SCEL: variants seen among roughly 807,000 people sequenced by gnomAD.
SCEL encodes sciellin.
SCEL carries 113 observed loss-of-function variants against 117.6 expected under a neutral mutation model. The observed-to-expected ratio is 0.96, with a 90% CI of 0.83 to 1.12. SCEL has a LOEUF of 1.12. SCEL is among the 50% of genes most tolerant of loss of function. The pLI is 0.00. For synonymous variants in SCEL, 270 were observed against 256.2 expected (o/e 1.05, Z -0.51); for missense variants, 785 against 810.8 (o/e 0.97, Z 0.39).
chr13:77,618,104 G>GAGAAGTTCCTACCC, intron 27 of SCEL, 44 bp downstream of exon 27: 4 of 1,489,776 alleles, frequency 2.7e-6, no homozygotes, highest in Non-Finnish European at 2.8e-6. Context: ...AGTTTCTAGG[G>GAGAAGTTCCTACCC]TAGGAACTTC....
At chr13:77,553,358 A>C (rs980477580) in intron 1 of SCEL, among the ~76,000 whole-genome samples, 1 of 152,180 alleles carries the variant, frequency 6.6e-6, no homozygotes, top group African/African-American at 2.4e-5. Context: ...TGTATCATTA[A>C]TTATGCATTC....
intron 20 of SCEL, 101 bp downstream of exon 20, chr13:77,608,216 G>A (rs1214890988): frequency 3.0e-5 from 25 of 829,352 alleles, no homozygotes; most frequent in Non-Finnish European, 1.3e-5. Flanking sequence ...GGATCAGAAA[G>A]GCTGAACCCC....
At chr13:77,565,019 A>G (rs1419769738) in intron 5 of SCEL, among the ~76,000 whole-genome samples, 1 of 152,240 alleles carries the variant, frequency 6.6e-6, no homozygotes, top group East Asian at 1.9e-4. Context: ...CTGGTCTTGC[A>G]GATGGTTAAT....
intron 8 of SCEL, among the ~76,000 whole-genome samples, chr13:77,569,991 G>A (rs541345231): frequency 1.3e-5 from 2 of 152,322 alleles, no homozygotes; most frequent in East Asian, 3.9e-4. Flanking sequence ...TGGACCAATG[G>A]TGACCAAATA....
At chr13:77,582,954 G>A (rs138707999) in intron 9 of SCEL, among the ~76,000 whole-genome samples, 53 of 152,146 alleles carry the variant, frequency 3.5e-4, no homozygotes, top group African/African-American at 1.3e-3. Context: ...ATGTCTTTGA[G>A]AAAACATCTA....
intron 9 of SCEL, among the ~76,000 whole-genome samples, chr13:77,579,556 G>A (rs1329435458): frequency 6.6e-6 from 1 of 152,178 alleles, no homozygotes; most frequent in East Asian, 1.9e-4. Flanking sequence ...GGCTCTGCCA[G>A]GAGTACAAAA....
chr13:77,580,491 A>C, intron 9 of SCEL, among the ~76,000 whole-genome samples: 1 of 152,194 alleles, frequency 6.6e-6, no homozygotes, highest in East Asian at 1.9e-4. Context: ...TGGAAAGTTG[A>C]ATTTCTTTCT....
intron 1 of SCEL, among the ~76,000 whole-genome samples, chr13:77,547,275 G>A (rs1460276153): frequency 2.0e-5 from 3 of 152,062 alleles, no homozygotes; most frequent in Admixed American, 6.6e-5. Flanking sequence ...GTGGCATTCC[G>A]GAGGAATTCT....
chr13:77,599,929 T>C lies in SCEL; in HGVS notation c.917+181T>C, dbSNP rs977550098. The C allele has an allele frequency of 5.3e-6, 3 of 566,842 alleles. No homozygotes were observed. The African/African-American group carries it at 5.6e-5, about 11-fold the overall frequency. The allele number at this position is 566,842 out of a possible 1,614,324, so 35.1% of individuals were successfully genotyped here. On this transcript the variant is annotated intron_variant, in intron 15 of 32. Transcript: ENST00000349847. ...CCACCAACATCAATCTGGGTGACCC[T>C]GGGCAAGTTGTGTAATTTCTGGAGA...
Position 77,603,128 on chromosome 13 carries a change from A to G in SCEL, c.1090A>G (p.Thr364Ala). 1 of 1,541,210 alleles carries G rather than the reference A, an allele frequency of 6.5e-7. No homozygotes were observed. Residue 364 changes from threonine (T) to alanine (A), a missense_variant, in exon 18 of 33, where the codon ACC becomes GCC. Transcript: ENST00000349847. ...TEVNPKGHENTTGKKDLDGLI... is the reference protein window; with the variant it reads ...TEVNPKGHENATGKKDLDGLI... ...AGTAAATCCCAAAGGACATGAAAATACCACTGGGTAAAAATAATTAATGTC... is the reference window on the plus strand; with the variant it reads ...AGTAAATCCCAAAGGACATGAAAATGCCACTGGGTAAAAATAATTAATGTC...
intron 9 of SCEL, among the ~76,000 whole-genome samples, chr13:77,578,508 A>G (rs563398230): frequency 6.6e-6 from 1 of 152,274 alleles, no homozygotes; most frequent in East Asian, 1.9e-4. Context: ...ACAAATAACC[A>G]TACCATAAGA....
At chr13:77,600,715 T>C (rs1447509291) in intron 15 of SCEL, among the ~76,000 whole-genome samples, 1 of 152,146 alleles carries the variant, frequency 6.6e-6, no homozygotes, top group Non-Finnish European at 1.5e-5. Context: ...ACCATTTCAC[T>C]AGAGAAAATC....
chr13:77,614,080 C>A (rs553661387), intron 24 of SCEL, 125 bp downstream of exon 24: 30 of 792,594 alleles, frequency 3.8e-5, no homozygotes, highest in Non-Finnish European at 6.1e-5. Flanking sequence ...CAGGTGGAAA[C>A]CTAGATGTCT....
intron 26 of SCEL, 71 bp downstream of exon 26, chr13:77,617,933 G>A: frequency 6.3e-7 from 1 of 1,579,268 alleles, no homozygotes; most frequent in Non-Finnish European, 8.7e-7. Flanking sequence ...TTATAATGTT[G>A]CTTTATTGAC....
chr13:77,555,668 T>C (rs1349160619), intron 1 of SCEL, among the ~76,000 whole-genome samples, 189 bp from the exon 2 acceptor site: 1 of 152,112 alleles, frequency 6.6e-6, no homozygotes, highest in Non-Finnish European at 1.5e-5. Flanking sequence ...ATTTTCTCCA[T>C]CTGTAAAACA....
intron 9 of SCEL, among the ~76,000 whole-genome samples, chr13:77,581,629 T>A (rs1357794138): frequency 2.0e-5 from 3 of 152,192 alleles, no homozygotes; most frequent in African/African-American, 7.2e-5. Flanking sequence ...AGAATCAGGA[T>A]ACCTAGGGTC....
chr13:77,550,730 G>T (rs1356201764), intron 1 of SCEL, among the ~76,000 whole-genome samples: 1 of 152,168 alleles, frequency 6.6e-6, no homozygotes, highest in East Asian at 1.9e-4. Context: ...ATATTCTGTT[G>T]CACAGAGATG....
intron 1 of SCEL, among the ~76,000 whole-genome samples, chr13:77,546,124 G>A (rs2083974739): frequency 6.6e-6 from 1 of 152,176 alleles, no homozygotes; most frequent in Non-Finnish European, 1.5e-5. Context: ...GGCCACTTCT[G>A]GCTGCAGTGT....
At chr13:77,557,479 T>C (rs2084728767) in intron 3 of SCEL, among the ~76,000 whole-genome samples, 1 of 152,248 alleles carries the variant, frequency 6.6e-6, no homozygotes, top group Non-Finnish European at 1.5e-5. Flanking sequence ...GCACCACTAA[T>C]TTTACAATAA....
Sources: gnomAD v4.1 joint callset for allele counts (sites outside exome capture counted in the v4.1 genomes callset) on GRCh38, gnomAD v4.1.1 for gene constraint, MANE v1.5 for transcripts, NCBI Gene and HGNC (gene_info 2026-07-23, HGNC 2026-07-21) for gene names.